HS6ST3: variants seen among roughly 807,000 people sequenced by gnomAD.
HS6ST3 encodes heparan-sulfate 6-O-sulfotransferase 3.
Under a neutral mutation model 36.7 loss-of-function variants are expected in HS6ST3, and 12 were observed. The observed-to-expected ratio is 0.33, with a 90% CI of 0.21 to 0.53. The LOEUF is 0.53. Among genes scored for constraint, HS6ST3 ranks in the 20% least tolerant of loss-of-function variants. The pLI is 0.95. For synonymous variants in HS6ST3, 240 were observed against 257.5 expected (o/e 0.93, Z 0.65); for missense variants, 584 against 640.9 (o/e 0.91, Z 0.96).
intron 1 of HS6ST3, among the ~76,000 whole-genome samples, chr13:96,634,885 G>T (rs533250132): frequency 0.072 from 839 of 11,672 alleles, 2 homozygotes; most frequent in Non-Finnish European, 0.15. Flanking sequence ...ACAAGTTTGA[G>T]TCATTAGGTT....
intron 1 of HS6ST3, among the ~76,000 whole-genome samples, chr13:96,226,723 A>G (rs1319584514): frequency 1.3e-5 from 2 of 152,308 alleles, no homozygotes; most frequent in South Asian, 2.1e-4. Flanking sequence ...TGGCATAGTT[A>G]TATTCTTGGG....
intron 1 of HS6ST3, among the ~76,000 whole-genome samples, chr13:96,645,963 T>A (rs767580793): frequency 6.6e-6 from 1 of 151,842 alleles, no homozygotes; most frequent in Non-Finnish European, 1.5e-5. Context: ...TAATTTTCAA[T>A]TGGATGCTAT....
At chr13:96,487,909 A>G (rs2138903151) in intron 1 of HS6ST3, among the ~76,000 whole-genome samples, 1 of 152,274 alleles carries the variant, frequency 6.6e-6, no homozygotes, top group Non-Finnish European at 1.5e-5. Flanking sequence ...CTGGTTATGT[A>G]CATCTATCAT....
chr13:96,535,741 G>A (rs540662243), intron 1 of HS6ST3, among the ~76,000 whole-genome samples: 1 of 152,184 alleles, frequency 6.6e-6, no homozygotes, highest in East Asian at 1.9e-4. Flanking sequence ...GGGAATATGA[G>A]TAAGGGACAA....
chr13:96,557,765 T>C (rs1009350232), intron 1 of HS6ST3, among the ~76,000 whole-genome samples: 4 of 152,186 alleles, frequency 2.6e-5, no homozygotes, highest in Non-Finnish European at 4.4e-5. Context: ...ACTCAATCTT[T>C]CTGCTGCCTT....
intron 1 of HS6ST3, 99 bp downstream of exon 1, chr13:96,091,668 T>C: frequency 1.4e-6 from 2 of 1,415,660 alleles, no homozygotes; most frequent in Non-Finnish European, 1.9e-6. Context: ...CCCCTGCCGA[T>C]GGTTTCCTGG....
chr13:96,397,805 G>A (rs1018889867), intron 1 of HS6ST3, among the ~76,000 whole-genome samples: 8 of 152,216 alleles, frequency 5.3e-5, no homozygotes, highest in African/African-American at 1.9e-4. Flanking sequence ...CACTTACAGT[G>A]TGTGAAGAGC....
At chr13:96,685,048 G>A (rs371639108) in intron 1 of HS6ST3, among the ~76,000 whole-genome samples, 22 of 152,154 alleles carry the variant, frequency 1.4e-4, no homozygotes, top group African/African-American at 4.3e-4. Flanking sequence ...TACATAAATT[G>A]AGTATTCAGA....
At position 96,583,204 on chromosome 13, in the gene HS6ST3, C is replaced by CTTTTTTTTTTTTTTTTTTTTTTTTT. The variant is rs71292889; in HGVS notation, c.708-249283_708-249259dup. The stretch of plus-strand genomic sequence containing the variant: ...AATGGCTTCAATTTCTTTTTCTTTT[C>CTTTTTTTTTTTTTTTTTTTTTTTTT]TTTTTTTTTTTTTTTTTTTTTTTTT... On this transcript the variant is annotated intron_variant, in intron 1 of 1. Coordinates refer to ENST00000376705, the MANE Select transcript of HS6ST3 (RefSeq NM_153456.4). Among the ~76,000 whole-genome samples, 6 of 52,922 alleles carry CTTTTTTTTTTTTTTTTTTTTTTTTT rather than the reference C, an allele frequency of 1.1e-4. 3 individuals are homozygous for CTTTTTTTTTTTTTTTTTTTTTTTTT. The highest frequency in any genetic ancestry group is 1.6e-4 in the African/African-American group (2 of 12,420). The allele number at this position is 52,922 out of a possible 152,430, so 34.7% of individuals were successfully genotyped here.
chr13:96,413,689 G>C (rs1017380548), intron 1 of HS6ST3, among the ~76,000 whole-genome samples: 1 of 152,146 alleles, frequency 6.6e-6, no homozygotes, highest in African/African-American at 2.4e-5. Flanking sequence ...TAACATATTT[G>C]ATGGACATTT....
At chr13:96,120,911 G>A (rs1431586850) in intron 1 of HS6ST3, among the ~76,000 whole-genome samples, 1 of 152,178 alleles carries the variant, frequency 6.6e-6, no homozygotes, top group East Asian at 1.9e-4. Context: ...GTCATTACAG[G>A]TCAGTCTCAT....
chr13:96,191,761 A>G (rs2054289565), intron 1 of HS6ST3, among the ~76,000 whole-genome samples: 1 of 152,210 alleles, frequency 6.6e-6, no homozygotes, highest in African/African-American at 2.4e-5. Flanking sequence ...GAATATATAC[A>G]TGTAATTCAA....
intron 1 of HS6ST3, among the ~76,000 whole-genome samples, chr13:96,180,492 AAGAC>A (rs1476624799): frequency 4.6e-5 from 7 of 151,986 alleles, no homozygotes; most frequent in Non-Finnish European, 7.3e-5. Flanking sequence ...TTTTGCTAGA[AAGAC>A]AGCAAAATAA....
At chr13:96,623,846 G>A (rs551239702) in intron 1 of HS6ST3, among the ~76,000 whole-genome samples, 6 of 152,064 alleles carry the variant, frequency 3.9e-5, no homozygotes, top group South Asian at 2.1e-4. Context: ...TCACACATTC[G>A]CCCATTGCAT....
At chr13:96,499,828 C>G (rs1208300541) in intron 1 of HS6ST3, among the ~76,000 whole-genome samples, 2 of 152,140 alleles carry the variant, frequency 1.3e-5, no homozygotes, top group Non-Finnish European at 2.9e-5. Context: ...CATACTGGGC[C>G]TGGGCGTCCA....
intron 1 of HS6ST3, among the ~76,000 whole-genome samples, chr13:96,608,551 G>C (rs1444927698): frequency 1.3e-5 from 2 of 152,198 alleles, no homozygotes; most frequent in East Asian, 3.8e-4. Flanking sequence ...ACTCTCAAAA[G>C]GATGTGTTCT....
intron 1 of HS6ST3, among the ~76,000 whole-genome samples, chr13:96,653,463 G>A (rs2139014173): frequency 6.6e-6 from 1 of 152,136 alleles, no homozygotes; most frequent in Non-Finnish European, 1.5e-5. Flanking sequence ...TGTGGTGTTT[G>A]GTTTTCTGTT....
chr13:96,273,606 A>G (rs1301644030), intron 1 of HS6ST3, among the ~76,000 whole-genome samples: 1 of 150,664 alleles, frequency 6.6e-6, no homozygotes, highest in Non-Finnish European at 1.5e-5. Flanking sequence ...TTGCTGATGC[A>G]TAACCTCTTT....
intron 1 of HS6ST3, among the ~76,000 whole-genome samples, chr13:96,648,528 A>G (rs2139010998): frequency 6.6e-6 from 1 of 150,826 alleles, no homozygotes; most frequent in South Asian, 2.1e-4. Context: ...ATACATGTAC[A>G]GGATGTGCAG....
Sources: gnomAD v4.1 joint callset for allele counts (sites outside exome capture counted in the v4.1 genomes callset) on GRCh38, gnomAD v4.1.1 for gene constraint, MANE v1.5 for transcripts, NCBI Gene and HGNC (gene_info 2026-07-23, HGNC 2026-07-21) for gene names.